The following DTX4 variants were observed in gnomAD, a reference collection of about 807,000 sequenced individuals.
DTX4 encodes the protein E3 ubiquitin-protein ligase DTX4.
Under a neutral mutation model 57.6 loss-of-function variants are expected in DTX4, and 28 were observed. The ratio of observed to expected loss-of-function variants is 0.49; its 90% CI spans 0.36 to 0.67. The LOEUF (loss-of-function observed/expected upper bound fraction) is 0.67, where lower values mean the gene tolerates loss of function less well. Ranked by LOEUF, DTX4 falls within the 30% of genes least tolerant of loss-of-function variation. The pLI, the probability that DTX4 is intolerant of heterozygous loss-of-function variation, is 0.00. For missense variants in DTX4, 715 were observed against 836.8 expected, an observed-to-expected ratio of 0.85 and a Z score of 1.80; for synonymous variants, 316 against 331.0, an observed-to-expected ratio of 0.95 and a Z score of 0.49.
Position 59,199,695 on chromosome 11 carries a change from C to A in DTX4, c.1548C>A (p.His516Gln). The A allele has an allele frequency of 6.3e-7, 1 of 1,575,692 alleles. No individual in the cohort carries two copies. Among genetic ancestry groups the A allele is most frequent in the Non-Finnish European group, 8.6e-7 (1 of 1,160,414 alleles). ...CTTTCTGCTTTCAGGGACCGGAACA[C>A]CCGAATCCTGGGAAGAGTTTCAGCG... ...SIPPGIQGPEHPNPGKSFSAR... is the reference protein window; with the variant it reads ...SIPPGIQGPEQPNPGKSFSAR... The change falls in exon 8 of 9, where the codon CAC (histidine) becomes CAA (glutamine). Residue 516 changes from histidine to glutamine, a missense_variant. Physicochemically the swap from His to Gln is conservative, Grantham distance 24 (BLOSUM62 0). Coordinates refer to ENST00000227451, the MANE Select transcript of DTX4 (RefSeq NM_015177.2).
intron 7 of DTX4, 106 bp downstream of exon 7, chr11:59,195,475 TC>T: frequency 7.5e-7 from 1 of 1,326,472 alleles, no homozygotes; most frequent in Non-Finnish European, 1.0e-6. Flanking sequence ...CCCACACTTT[TC>T]CGCCATCTAC....
At chr11:59,199,659 T>A in intron 7 of DTX4, 25 bp from the exon 8 acceptor site, 3 of 1,547,740 alleles carry the variant, frequency 1.9e-6, no homozygotes, top group Non-Finnish European at 2.6e-6. Flanking sequence ...AAAATGCCAT[T>A]TGCTTGCTTG....
intron 6 of DTX4, among the ~76,000 whole-genome samples, chr11:59,193,448 G>C (rs574901824): frequency 2.0e-5 from 3 of 152,090 alleles, no homozygotes; most frequent in Non-Finnish European, 4.4e-5. Context: ...ATTGATGGGG[G>C]ATGCAAATCT....
At chr11:59,186,237 C>G (rs147824761) in intron 2 of DTX4, among the ~76,000 whole-genome samples, 1 of 152,286 alleles carries the variant, frequency 6.6e-6, no homozygotes, top group East Asian at 1.9e-4. Context: ...CTCCCTCTCT[C>G]CACATCTTGC....
At chr11:59,178,987 A>G (rs1398618332) in intron 1 of DTX4, among the ~76,000 whole-genome samples, 2 of 151,846 alleles carry the variant, frequency 1.3e-5, no homozygotes, top group Non-Finnish European at 2.9e-5. Context: ...TCCATGGCAT[A>G]GTTTCCAGAA....
chr11:59,186,400 G>T (rs1862528906), intron 2 of DTX4, among the ~76,000 whole-genome samples: 1 of 152,200 alleles, frequency 6.6e-6, no homozygotes, highest in Non-Finnish European at 1.5e-5. Context: ...CAGCTGGAGT[G>T]GGGGCTCTGA....
intron 4 of DTX4, among the ~76,000 whole-genome samples, chr11:59,190,268 A>G (rs1251535172): frequency 6.6e-6 from 1 of 151,678 alleles, no homozygotes; most frequent in East Asian, 1.9e-4. Flanking sequence ...ACACTTTCCC[A>G]CTCTTCCTGT....
chr11:59,174,433 C>T (rs1031359066), intron 1 of DTX4, among the ~76,000 whole-genome samples: 2 of 143,808 alleles, frequency 1.4e-5, no homozygotes, highest in African/African-American at 2.7e-5. Context: ...AGCTGAGCCA[C>T]GGAGGTGGGA....
chr11:59,194,495 G>T (rs1227500670), intron 6 of DTX4, among the ~76,000 whole-genome samples: 1 of 152,118 alleles, frequency 6.6e-6, no homozygotes, highest in Non-Finnish European at 1.5e-5. Context: ...ATGAGCATCA[G>T]TCTTTCCATG....
chr11:59,204,354 G>T (rs1241766685), intron 8 of DTX4, among the ~76,000 whole-genome samples: 1 of 152,230 alleles, frequency 6.6e-6, no homozygotes, highest in Admixed American at 6.5e-5. Context: ...AGGCACTGGT[G>T]TGAAAATACT....
chr11:59,182,594 A>C, intron 2 of DTX4, 132 bp downstream of exon 2: 1 of 1,260,224 alleles, frequency 7.9e-7, no homozygotes, highest in Non-Finnish European at 1.1e-6. Context: ...GCTGCAGGTG[A>C]AGGTGGTGCA....
chr11:59,188,724 T>A lies in DTX4; in HGVS notation c.936-11T>A. 2 of 1,612,914 alleles carry A rather than the reference T, an allele frequency of 1.2e-6. No homozygotes were observed. Among genetic ancestry groups the A allele is most frequent in the Non-Finnish European group, 1.7e-6 (2 of 1,178,944 alleles). On this transcript the variant is annotated splice_polypyrimidine_tract_variant and intron_variant, in intron 2 of 8. Transcript: ENST00000227451. ...TCAAAATGACATTGTATCTGCTCTT[T>A]CCTTTCACAGGGTCCCCACAGTCCC...
intron 2 of DTX4, 103 bp downstream of exon 2, chr11:59,182,565 C>T (rs1296802561): frequency 1.5e-5 from 21 of 1,404,408 alleles, no homozygotes; most frequent in Non-Finnish European, 2.0e-5. Context: ...TTAAGCTTCT[C>T]ATCTTGTGCT....
rs1255620027 is a variant in DTX4, at chr11:59,172,466, C to CCGGGGCGG, written c.-122_-115dup. ...GCCCATGGGCCGGAGCTGAGGCTGC[C>CCGGGGCGG]CGGGGCGGCGGGGCGCGGGGCAGGG... On this transcript the variant is annotated 5_prime_UTR_variant, in exon 1 of 9. Coordinates refer to ENST00000227451, the MANE Select transcript of DTX4 (RefSeq NM_015177.2). 1 of 347,242 alleles carries CCGGGGCGG rather than the reference C, an allele frequency of 2.9e-6. No homozygotes were observed. 21.5% of individuals were successfully genotyped at this position (347,242 alleles called of 1,614,324 possible). A position where few individuals can be genotyped will look rare whatever the true frequency, so the allele number is the denominator to read the frequency against.
intron 4 of DTX4, among the ~76,000 whole-genome samples, chr11:59,189,843 G>A (rs1259736376): frequency 6.6e-6 from 1 of 152,100 alleles, no homozygotes; most frequent in Non-Finnish European, 1.5e-5. Flanking sequence ...TCCTCCTTTA[G>A]GAACCCCCTC....
Position 59,207,595 on chromosome 11 carries a change from C to T in DTX4, c.*2686C>T, listed in dbSNP as rs1204077785. ...TGCAGTCTAGATTTCAGTGAGAACC[C>T]TGCCAGCTGAGCCCTGTGCATCTAC... On this transcript the variant is annotated 3_prime_UTR_variant, in exon 9 of 9. Transcript: ENST00000227451. 1 of 152,690 alleles carries T rather than the reference C, an allele frequency of 6.5e-6. No individual in the cohort carries two copies. Among genetic ancestry groups the T allele is most frequent in the Non-Finnish European group, 1.5e-5 (1 of 68,096 alleles). The allele number at this position is 152,690 out of a possible 1,614,324, so 9.5% of individuals were successfully genotyped here.
chr11:59,187,743 C>T (rs1862545642), intron 2 of DTX4, among the ~76,000 whole-genome samples: 1 of 152,148 alleles, frequency 6.6e-6, no homozygotes, highest in Non-Finnish European at 1.5e-5. Context: ...CCCATGTGTC[C>T]CATATTTTCC....
rs1463143501 is a variant in DTX4, at chr11:59,188,784, C to A, written c.985C>A (p.Pro329Thr). The change falls in exon 3 of 9, where the codon CCT becomes ACT. Residue 329 changes from proline to threonine, a missense_variant. Transcript: ENST00000227451. The part of the protein sequence containing the change: ...KNLNGSSPVN[P>T]ALAGITGILM... ...CCTAAATGGGTCCAGTCCTGTCAAC[C>A]CTGCCTTGGCAGGTAAGAGAAACCC... 1 of 1,613,852 alleles carries A rather than the reference C, an allele frequency of 6.2e-7. No individual in the cohort carries two copies.
intron 7 of DTX4, among the ~76,000 whole-genome samples, chr11:59,198,846 G>T (rs1228492044): frequency 6.6e-6 from 1 of 152,164 alleles, no homozygotes; most frequent in African/African-American, 2.4e-5. Context: ...GGGAGGAGGG[G>T]ATTTGGTCAT....
Sources: gnomAD v4.1 joint callset for allele counts (sites outside exome capture counted in the v4.1 genomes callset) on GRCh38, gnomAD v4.1.1 for gene constraint, MANE v1.5 for transcripts, NCBI Gene and HGNC (gene_info 2026-07-23, HGNC 2026-07-21) for gene names.